Variants in EEPD1 observed in about 807,000 individuals in gnomAD.
EEPD1 encodes the protein endonuclease/exonuclease/phosphatase family domain-containing protein 1.
In EEPD1, 17 loss-of-function variants were observed where a neutral mutation model predicts 46.3. That is an observed-to-expected ratio of 0.37 (90% CI 0.25 to 0.55). The LOEUF is 0.55. Among genes scored for constraint, EEPD1 ranks in the 20% least tolerant of loss-of-function variants. The probability of loss-of-function intolerance (pLI) is 0.83; values close to 1 mark genes in which losing one functional copy is unlikely to be tolerated. For missense variants in EEPD1, 673 were observed against 745.6 expected, an observed-to-expected ratio of 0.90 and a Z score of 1.13; for synonymous variants, 313 against 315.6, an observed-to-expected ratio of 0.99 and a Z score of 0.09.
rs1785473984 is a variant in EEPD1 at position 36,192,291 on chromosome 7, CAGA to C, written c.878+37094_878+37096del. 2.6e-5 allele frequency among the ~76,000 whole-genome samples: 4 copies of C among 152,276 alleles called. No individual in the cohort carries two copies. The South Asian group carries it at 8.3e-4, about 32-fold the overall frequency. On this transcript the variant is annotated intron_variant, in intron 2 of 7. Transcript: ENST00000242108. ...AAATTATTTTTAAAAGGGAAGAAAG[CAGA>C]AGAACAGATGCAGCAAACTCCTTGT... is the stretch of plus-strand genomic sequence containing the variant.
intron 3 of EEPD1, among the ~76,000 whole-genome samples, chr7:36,279,904 G>C (rs1038571452): frequency 1.3e-5 from 2 of 152,214 alleles, no homozygotes; most frequent in Non-Finnish European, 2.9e-5. Context: ...GGTGGGTCCA[G>C]TGACGGACTT....
chr7:36,215,274 G>A (rs1340558533), intron 2 of EEPD1, among the ~76,000 whole-genome samples: 1 of 152,220 alleles, frequency 6.6e-6, no homozygotes, highest in Non-Finnish European at 1.5e-5. Context: ...GGCGCCATGC[G>A]GGGTCATCAA....
chr7:36,195,120 G>A (rs866203703), intron 2 of EEPD1, among the ~76,000 whole-genome samples: 7 of 152,324 alleles, frequency 4.6e-5, no homozygotes, highest in Middle Eastern at 6.8e-3. Flanking sequence ...CAACAGGAGA[G>A]GCAGGGCGCC....
At chr7:36,189,706 A>G (rs1785428168) in intron 2 of EEPD1, among the ~76,000 whole-genome samples, 1 of 152,110 alleles carries the variant, frequency 6.6e-6, no homozygotes, top group African/African-American at 2.4e-5. Context: ...AGCTACCCCC[A>G]TTTTCTTGCT....
intron 4 of EEPD1, among the ~76,000 whole-genome samples, chr7:36,282,593 A>G (rs756313445): frequency 6.6e-6 from 1 of 152,210 alleles, no homozygotes; most frequent in South Asian, 2.1e-4. Flanking sequence ...CTCGGCCTCA[A>G]TTCCTTCATC....
At chr7:36,199,496 G>A (rs1344522491) in intron 2 of EEPD1, among the ~76,000 whole-genome samples, 1 of 152,108 alleles carries the variant, frequency 6.6e-6, no homozygotes, top group East Asian at 1.9e-4. Context: ...CTCATGTCCT[G>A]GGTTAGCAGT....
At chr7:36,243,162 C>T (rs1330340593) in intron 3 of EEPD1, among the ~76,000 whole-genome samples, 1 of 152,190 alleles carries the variant, frequency 6.6e-6, no homozygotes, top group African/African-American at 2.4e-5. Context: ...ATCAGAGCTA[C>T]ATTCTAAAAA....
intron 2 of EEPD1, among the ~76,000 whole-genome samples, chr7:36,199,452 G>T (rs989939346): frequency 6.6e-6 from 1 of 152,160 alleles, no homozygotes; most frequent in African/African-American, 2.4e-5. Context: ...GCAGGTGTGG[G>T]TGGCAGGAGC....
intron 2 of EEPD1, among the ~76,000 whole-genome samples, chr7:36,184,248 T>C (rs184371376): frequency 1.1e-4 from 17 of 152,356 alleles, no homozygotes; most frequent in Admixed American, 9.1e-4. Flanking sequence ...AGTATTATTC[T>C]TTTTTGTATT....
At chr7:36,295,509 G>A (rs1787508823) in intron 6 of EEPD1, among the ~76,000 whole-genome samples, 2 of 152,316 alleles carry the variant, frequency 1.3e-5, no homozygotes, top group Middle Eastern at 3.4e-3. Flanking sequence ...GATAACATGT[G>A]TAGATACTCT....
chr7:36,195,462 A>AC (rs1300151511), intron 2 of EEPD1, among the ~76,000 whole-genome samples: 20 of 152,346 alleles, frequency 1.3e-4, no homozygotes, highest in African/African-American at 4.3e-4. Context: ...AGAAGGCCCG[A>AC]CACCTTTATA....
At chr7:36,170,315 A>G (rs1182134076) in intron 2 of EEPD1, among the ~76,000 whole-genome samples, 1 of 152,174 alleles carries the variant, frequency 6.6e-6, no homozygotes, top group Non-Finnish European at 1.5e-5. Context: ...AGGCTGAGGC[A>G]GGAGAATCGC....
At chr7:36,280,568 C>T (rs1019559398) in intron 3 of EEPD1, among the ~76,000 whole-genome samples, 1 of 152,212 alleles carries the variant, frequency 6.6e-6, no homozygotes, top group Non-Finnish European at 1.5e-5. Context: ...CATGCATTAG[C>T]AAAAGAAGTG....
intron 3 of EEPD1, among the ~76,000 whole-genome samples, chr7:36,275,779 T>C (rs951837193): frequency 6.6e-6 from 1 of 152,130 alleles, no homozygotes; most frequent in Non-Finnish European, 1.5e-5. Context: ...TATTTTTATT[T>C]CCGAGTCAGC....
intron 2 of EEPD1, among the ~76,000 whole-genome samples, chr7:36,196,701 C>T (rs34084035): frequency 0.14 from 21,785 of 152,186 alleles, 1,685 homozygotes; most frequent in Non-Finnish European, 0.17. Flanking sequence ...GACAGAGTCT[C>T]GTTAACTCAG....
chr7:36,272,057 GT>G (rs1787114897), intron 3 of EEPD1, among the ~76,000 whole-genome samples: 1 of 151,458 alleles, frequency 6.6e-6, no homozygotes, highest in African/African-American at 2.4e-5. Flanking sequence ...AATTTTTTGT[GT>G]TTTTAGTAGA....
intron 3 of EEPD1, among the ~76,000 whole-genome samples, chr7:36,256,507 G>A (rs561081449): frequency 8.5e-5 from 13 of 152,168 alleles, no homozygotes; most frequent in Non-Finnish European, 1.0e-4. Context: ...GGGTGCTCCC[G>A]TATTGGGTGC....
chr7:36,208,571 T>C (rs1785866805), intron 2 of EEPD1, among the ~76,000 whole-genome samples: 1 of 152,156 alleles, frequency 6.6e-6, no homozygotes, highest in Non-Finnish European at 1.5e-5. Context: ...TGGTCAGCAG[T>C]GGTGCCTGAT....
chr7:36,181,195 C>T (rs1408023808), intron 2 of EEPD1, among the ~76,000 whole-genome samples: 3 of 152,174 alleles, frequency 2.0e-5, no homozygotes, highest in Admixed American at 6.5e-5. Context: ...GCGCTGTCTA[C>T]ATCTCATGAC....
Sources: gnomAD v4.1 joint callset for allele counts (sites outside exome capture counted in the v4.1 genomes callset) on GRCh38, gnomAD v4.1.1 for gene constraint, MANE v1.5 for transcripts, NCBI Gene and HGNC (gene_info 2026-07-23, HGNC 2026-07-21) for gene names.